Variants in COL4A6 observed in about 807,000 individuals in gnomAD.
COL4A6 encodes collagen type IV alpha 6 chain, also known as collagen alpha-6(IV) chain.
Under a neutral mutation model 126.7 loss-of-function variants are expected in COL4A6, and 59 were observed. The ratio of observed to expected loss-of-function variants is 0.47; its 90% confidence interval spans 0.38 to 0.58. COL4A6 has a LOEUF of 0.58. Among genes scored for constraint, COL4A6 ranks in the 20% least tolerant of loss-of-function variants. The pLI is 0.00. For missense variants in COL4A6, 1,285 were observed against 1,337.3 expected, an observed-to-expected ratio of 0.96 and a Z score of 0.61; for synonymous variants, 547 against 496.6, an observed-to-expected ratio of 1.10 and a Z score of -1.35.
chrX:108,370,948 A>C (rs2040309901), intron 2 of COL4A6, among the ~76,000 whole-genome samples: 2 of 111,232 alleles, frequency 1.8e-5, no homozygotes, highest in South Asian at 3.9e-4. Context: ...TGGTCCATCC[A>C]TTCTTCCTGG....
At chrX:108,204,929 G>A (rs1226438556) in intron 11 of COL4A6, among the ~76,000 whole-genome samples, 1 of 109,779 alleles carries the variant, frequency 9.1e-6, no homozygotes, top group Non-Finnish European at 1.9e-5. Flanking sequence ...AGAGAAATGA[G>A]AGAAGGAGGG....
At position 108,377,068 on chromosome X, in the gene COL4A6, C is replaced by T. The variant is rs5973827; in HGVS notation, c.63+60874G>A. Among the ~76,000 whole-genome samples, 560 of 112,582 alleles carry T rather than the reference C, an allele frequency of 5.0e-3. 3 individuals carry two copies. The highest frequency in any genetic ancestry group is 0.016 in the African/African-American group (508 of 31,060). ...TTGTTGATCATTATCGGGCGTTTCC[C>T]GGAGAGGGGGATGTGGCAAGACAAT... is the stretch of plus-strand genomic sequence containing the variant. On this transcript the variant is annotated intron_variant, in intron 2 of 44. Transcript: ENST00000334504.
chrX:108,348,043 A>G (rs2039751359), intron 2 of COL4A6, among the ~76,000 whole-genome samples: 1 of 111,342 alleles, frequency 9.0e-6, no homozygotes, highest in Non-Finnish European at 1.9e-5. Flanking sequence ...CGGGTCTCAG[A>G]GGCAGAGTCC....
At chrX:108,438,094 T>C in intron 1 of COL4A6, 92 bp downstream of exon 1, 1 of 1,202,576 alleles carries the variant, frequency 8.3e-7, no homozygotes, top group East Asian at 3.0e-5. Flanking sequence ...TCCCAATTTC[T>C]CTGCAGTGAC....
intron 3 of COL4A6, among the ~76,000 whole-genome samples, chrX:108,230,024 T>C (rs1429883433): frequency 8.9e-6 from 1 of 112,406 alleles, no homozygotes; most frequent in African/African-American, 3.2e-5. Flanking sequence ...TGTTTCTTGA[T>C]TGGGCAACCG....
chrX:108,261,071 A>C, intron 3 of COL4A6, among the ~76,000 whole-genome samples: 1 of 111,343 alleles, frequency 9.0e-6, no homozygotes, highest in South Asian at 3.8e-4. Context: ...AGACATCATT[A>C]GCACAGACAA....
At chrX:108,398,349 C>A (rs942606790) in intron 2 of COL4A6, among the ~76,000 whole-genome samples, 1 of 111,225 alleles carries the variant, frequency 9.0e-6, no homozygotes, top group Non-Finnish European at 1.9e-5. Context: ...TGGTTCTGTA[C>A]CTTTTAAAAT....
rs762146001 is a variant in COL4A6 at position 108,392,661 on chromosome X, G to C, written c.63+45281C>G. 9.0e-5 allele frequency among the ~76,000 whole-genome samples: 10 copies of C among 111,301 alleles called. No individual in the cohort carries two copies. The East Asian group carries it at 2.6e-3, about 28-fold the overall frequency. ...GCATGCTAAAATTCTAACCCCCAAG[G>C]TAAGGATATTAGGAATTAGGGCCTT... On this transcript the variant is annotated intron_variant, in intron 2 of 44. Coordinates refer to ENST00000334504, the MANE Select transcript of COL4A6 (RefSeq NM_033641.4).
At chrX:108,161,452 T>C (rs2033931770) in intron 42 of COL4A6, among the ~76,000 whole-genome samples, 167 bp downstream of exon 42, 2 of 111,448 alleles carry the variant, frequency 1.8e-5, no homozygotes, top group South Asian at 7.7e-4. Flanking sequence ...CAGAGGGTAG[T>C]GGGGAGTGAA....
chrX:108,219,392 G>A (rs1211043906), intron 5 of COL4A6, among the ~76,000 whole-genome samples: 1 of 111,440 alleles, frequency 9.0e-6, no homozygotes, highest in Non-Finnish European at 1.9e-5. Flanking sequence ...TTACACCTTA[G>A]AACCAGTTCC....
chrX:108,356,416 T>C (rs6524009), intron 2 of COL4A6, among the ~76,000 whole-genome samples: 40,816 of 110,289 alleles, frequency 0.37, 6,733 homozygotes, highest in East Asian at 0.73. Context: ...TAGGAATCTA[T>C]GTTTAAGAGT....
intron 2 of COL4A6, among the ~76,000 whole-genome samples, chrX:108,315,463 C>T (rs1217713534): frequency 8.9e-6 from 1 of 111,994 alleles, no homozygotes; most frequent in Non-Finnish European, 1.9e-5. Flanking sequence ...TGATCTCGAA[C>T]TCCTGGCCTG....
intron 3 of COL4A6, among the ~76,000 whole-genome samples, chrX:108,272,366 A>C (rs1158531282): frequency 9.0e-6 from 1 of 111,489 alleles, no homozygotes; most frequent in Non-Finnish European, 1.9e-5. Flanking sequence ...TATTACTCGA[A>C]CTTCACTCAC....
intron 3 of COL4A6, among the ~76,000 whole-genome samples, chrX:108,274,134 A>G (rs1168279992): frequency 2.7e-5 from 3 of 111,663 alleles, no homozygotes; most frequent in African/African-American, 9.8e-5. Flanking sequence ...TGAGGTCTAC[A>G]GAGCAAGAGA....
intron 2 of COL4A6, among the ~76,000 whole-genome samples, chrX:108,422,143 A>G (rs1469499648): frequency 1.8e-5 from 2 of 111,611 alleles, no homozygotes. Context: ...AGGAAGGCTG[A>G]GATGGGAGGA....
At position 108,190,491 on chromosome X, in the gene COL4A6, C is replaced by G; in HGVS notation, c.1327G>C (p.Glu443Gln). 1.7e-6 allele frequency: 2 copies of G among 1,180,462 alleles called. No individual in the cohort carries two copies. The highest frequency in any genetic ancestry group is 4.4e-5 in the Admixed American group (2 of 45,284). ...PPGPPGPPSP[E>Q]FETETLHNKE... Reference sequence around the variant, plus strand: ...TTGTGTAGAGTTTCAGTCTCAAATTCTGGACCTTTGGGTAAAAAAAAGATA... The same window carrying G: ...TTGTGTAGAGTTTCAGTCTCAAATTGTGGACCTTTGGGTAAAAAAAAGATA... Residue 443 changes from glutamate to glutamine, a missense_variant, in exon 20 of 45, where the codon GAA (glutamate) becomes CAA (glutamine). Coordinates refer to ENST00000334504, the MANE Select transcript of COL4A6 (RefSeq NM_033641.4).
chrX:108,202,896 T>C lies in COL4A6; in HGVS notation c.834+32A>G, dbSNP rs372153170. On this transcript the variant is annotated intron_variant, in intron 13 of 44. Transcript: ENST00000334504. ...TACAGCTTTTGTCCAATCAGACCCT[T>C]GTATACATATTGATCAAATAGAGAG... 1.9e-3 allele frequency: 2,224 copies of C among 1,159,626 alleles called. 34 individuals carry two copies. The South Asian group carries it at 0.038, about 20-fold the overall frequency.
intron 2 of COL4A6, among the ~76,000 whole-genome samples, chrX:108,430,333 C>T (rs1378233114): frequency 2.7e-5 from 3 of 111,280 alleles, no homozygotes; most frequent in Non-Finnish European, 5.7e-5. Flanking sequence ...GTAATATACA[C>T]CATGAGTTTG....
At chrX:108,289,546 G>T (rs760320544) in intron 3 of COL4A6, among the ~76,000 whole-genome samples, 1 of 110,204 alleles carries the variant, frequency 9.1e-6, no homozygotes, top group South Asian at 4.0e-4. Flanking sequence ...TTTTGTTTTT[G>T]TTTTTGTTTT....
Sources: allele counts gnomAD v4.1 joint callset (sites outside exome capture counted in the v4.1 genomes callset), GRCh38; gene constraint gnomAD v4.1.1; transcripts MANE v1.5; gene names NCBI Gene and HGNC (gene_info 2026-07-23, HGNC 2026-07-21).